Variants in CCDC93 observed in about 807,000 individuals in gnomAD.
CCDC93 encodes coiled-coil domain-containing protein 93.
In CCDC93, 61 loss-of-function variants were observed where a neutral mutation model predicts 108.2. The observed-to-expected ratio is 0.56, with a 90% confidence interval of 0.46 to 0.70. The LOEUF (loss-of-function observed/expected upper bound fraction) is 0.70, where lower values mean the gene tolerates loss of function less well. Among genes scored for constraint, CCDC93 ranks in the 30% least tolerant of loss-of-function variants. The pLI is 0.00. For synonymous variants in CCDC93, 276 were observed against 260.4 expected (o/e 1.06, Z -0.58); for missense variants, 685 against 764.2 (o/e 0.90, Z 1.22).
chr2:117,951,383 T>C, intron 13 of CCDC93: 2 of 985,418 alleles, frequency 2.0e-6, no homozygotes, highest in Non-Finnish European at 2.4e-6. Context: ...GCCTGCCCTT[T>C]TGAAATATTC....
intron 22 of CCDC93, among the ~76,000 whole-genome samples, chr2:117,932,938 C>CT (rs1344637968): frequency 8.5e-5 from 13 of 152,332 alleles, no homozygotes; most frequent in African/African-American, 2.6e-4. Flanking sequence ...CTGCTCTGCA[C>CT]TTTAGCAAAA....
At chr2:117,940,057 C>A (rs999249438) in intron 19 of CCDC93, among the ~76,000 whole-genome samples, 1 of 152,146 alleles carries the variant, frequency 6.6e-6, no homozygotes, top group Non-Finnish European at 1.5e-5. Flanking sequence ...TAATTAGACT[C>A]TGAGCAGCAA....
chr2:118,010,699 C>A (rs1454807844), intron 1 of CCDC93, among the ~76,000 whole-genome samples: 1 of 152,222 alleles, frequency 6.6e-6, no homozygotes, highest in Non-Finnish European at 1.5e-5. Flanking sequence ...ACACACACTG[C>A]CTGTAAGATA....
In CCDC93 at chr2:117,916,061, G is replaced by A. The variant is rs1677673262; in HGVS notation, c.*4282C>T. The A allele has an allele frequency of 6.6e-6, 1 of 152,184 alleles. No homozygotes were observed. Among genetic ancestry groups the A allele is most frequent in the Non-Finnish European group, 1.5e-5 (1 of 68,030 alleles). 9.4% of individuals were successfully genotyped at this position (152,184 alleles called of 1,614,324 possible). A position where few individuals can be genotyped will look rare whatever the true frequency, so the allele number is the denominator to read the frequency against. ...TTGTACACAGGTACAATTCTTAGGA[G>A]TAGCATTGCTAGTTCAAAGAGCTTA... On this transcript the variant is annotated 3_prime_UTR_variant, in exon 24 of 24. Transcript: ENST00000376300.
chr2:117,994,647 A>C (rs1177017420), intron 6 of CCDC93, among the ~76,000 whole-genome samples: 1 of 152,222 alleles, frequency 6.6e-6, no homozygotes, highest in African/African-American at 2.4e-5. Context: ...AATCTTTACA[A>C]TGACACAAGG....
chr2:117,979,994 A>G (rs777463032), intron 7 of CCDC93, among the ~76,000 whole-genome samples: 1 of 152,118 alleles, frequency 6.6e-6, no homozygotes, highest in Non-Finnish European at 1.5e-5. Context: ...CAGTAGAAAC[A>G]GCCAGGTTCT....
intron 11 of CCDC93, among the ~76,000 whole-genome samples, chr2:117,962,836 C>A (rs964789825): frequency 1.3e-5 from 2 of 152,238 alleles, no homozygotes; most frequent in African/African-American, 4.8e-5. Context: ...CTGATGATCA[C>A]AAGCTTTGAT....
intron 21 of CCDC93, 52 bp from the exon 22 acceptor site, chr2:117,935,631 G>A: frequency 1.5e-6 from 2 of 1,307,446 alleles, no homozygotes. Context: ...TCTGAGGCAG[G>A]GGGAAATGCC....
chr2:117,995,763 C>G (rs865787885), intron 5 of CCDC93: 2 of 353,900 alleles, frequency 5.7e-6, no homozygotes, highest in African/African-American at 2.1e-5. Flanking sequence ...GTTCTCATTT[C>G]AAATCCTCTT....
chr2:117,978,516 AAAAAACAC>A (rs1249794154), intron 7 of CCDC93, among the ~76,000 whole-genome samples: 6 of 152,354 alleles, frequency 3.9e-5, no homozygotes, highest in Non-Finnish European at 5.9e-5. Flanking sequence ...CTTAAATTAA[AAAAAACAC>A]AAAAACACAA....
chr2:118,006,876 T>C lies in CCDC93; in HGVS notation c.157-60A>G, dbSNP rs1225422778. 4 of 1,023,782 alleles carry C rather than the reference T, an allele frequency of 3.9e-6. 1 individual carries two copies. The Admixed American group carries it at 7.1e-5, about 18-fold the overall frequency. The allele number at this position is 1,023,782 out of a possible 1,614,324, so 63.4% of individuals were successfully genotyped here. A position where few individuals can be genotyped will look rare whatever the true frequency, so the allele number is the denominator to read the frequency against. Reference sequence around the variant, plus strand: ...TTTAGTTTGGGGAGAATGGAAGAAGTGGAAGGTAGATGGATTATAAATAGC... The same window carrying C: ...TTTAGTTTGGGGAGAATGGAAGAAGCGGAAGGTAGATGGATTATAAATAGC... On this transcript the variant is annotated intron_variant, in intron 2 of 23. Coordinates refer to ENST00000376300, the MANE Select transcript of CCDC93 (RefSeq NM_019044.5).
intron 19 of CCDC93, among the ~76,000 whole-genome samples, chr2:117,940,659 A>C (rs1207492805): frequency 6.6e-6 from 1 of 152,242 alleles, no homozygotes; most frequent in Admixed American, 6.5e-5. Context: ...ATATGATGCA[A>C]GAGCAGATGT....
intron 13 of CCDC93, chr2:117,951,510 A>T: frequency 2.0e-6 from 2 of 993,204 alleles, no homozygotes; most frequent in Non-Finnish European, 2.4e-6. Context: ...AAATTGGTAA[A>T]TGTCATGTGA....
intron 12 of CCDC93, among the ~76,000 whole-genome samples, chr2:117,954,484 G>A (rs1430959382): frequency 2.0e-5 from 3 of 152,116 alleles, no homozygotes; most frequent in Admixed American, 6.5e-5. Flanking sequence ...AATAGGAAGT[G>A]TCCCAGTAGC....
chr2:118,005,009 A>G (rs1676826086), intron 3 of CCDC93, among the ~76,000 whole-genome samples: 1 of 152,254 alleles, frequency 6.6e-6, no homozygotes. Context: ...AAATAGTCAC[A>G]TAAGTGGGAT....
At chr2:117,949,964 G>T in intron 13 of CCDC93, 9 of 985,428 alleles carry the variant, frequency 9.1e-6, no homozygotes, top group Non-Finnish European at 1.1e-5. Flanking sequence ...AGCCACATAG[G>T]CTAGGCAATG....
At chr2:117,960,650 C>T (rs1480123124) in intron 11 of CCDC93, among the ~76,000 whole-genome samples, 1 of 152,230 alleles carries the variant, frequency 6.6e-6, no homozygotes, top group Non-Finnish European at 1.5e-5. Context: ...GGAAAACCAG[C>T]AGCCATCTTG....
intron 23 of CCDC93, among the ~76,000 whole-genome samples, chr2:117,925,326 C>A (rs1475336225): frequency 6.6e-6 from 1 of 152,084 alleles, no homozygotes; most frequent in Non-Finnish European, 1.5e-5. Flanking sequence ...CACAGACTGG[C>A]AAACTGGATA....
chr2:117,950,526 T>A (rs1679017916), intron 13 of CCDC93: 2 of 985,392 alleles, frequency 2.0e-6, no homozygotes, highest in African/African-American at 3.5e-5. Context: ...TTCCCAGATT[T>A]ACTGGAAAGA....
Sources: gnomAD v4.1 joint callset for allele counts (sites outside exome capture counted in the v4.1 genomes callset) on GRCh38, gnomAD v4.1.1 for gene constraint, MANE v1.5 for transcripts, NCBI Gene and HGNC (gene_info 2026-07-23, HGNC 2026-07-21) for gene names.